CYSLTR1: variants seen among roughly 807,000 people sequenced by gnomAD.
CYSLTR1 encodes the protein G-protein coupled receptor HG55.
CYSLTR1 carries 1 observed loss-of-function variant against 2.1 expected under a neutral mutation model. The observed-to-expected ratio is 0.48, with a 90% CI of 0.17 to 2.28. CYSLTR1 has a LOEUF of 2.28. CYSLTR1 is among the 30% of genes most tolerant of loss of function. The pLI, the probability that CYSLTR1 is intolerant of heterozygous loss-of-function variation, is 0.26. For missense variants in CYSLTR1, 299 were observed against 250.1 expected (o/e 1.20, Z -1.32); for synonymous variants, 110 against 89.6 (o/e 1.23, Z -1.28).
chrX:78,282,270 A>G, intron 2 of CYSLTR1, among the ~76,000 whole-genome samples: 1 of 111,924 alleles, frequency 8.9e-6, no homozygotes, highest in East Asian at 2.8e-4. Flanking sequence ...ATGAACTTCT[A>G]GAGAAACTTA....
At chrX:78,326,375 G>T (rs139225323) in intron 1 of CYSLTR1, among the ~76,000 whole-genome samples, 3 of 111,498 alleles carry the variant, frequency 2.7e-5, no homozygotes, top group Non-Finnish European at 5.7e-5. Context: ...TTAAAACAGT[G>T]TACAATCTAG....
At position 78,307,770 on chromosome X, in the gene CYSLTR1, G is replaced by C. The variant is rs1250578805; in HGVS notation, c.-115+19535C>G. ...AGCCAAGCTATAAAAATCCCTAAGAGTGGCAGCAGCAGAAGTGTGGACTTG... is the reference window on the plus strand; with the variant it reads ...AGCCAAGCTATAAAAATCCCTAAGACTGGCAGCAGCAGAAGTGTGGACTTG... On this transcript the variant is annotated intron_variant, in intron 1 of 2. Transcript: ENST00000373304. 1.8e-5 allele frequency among the ~76,000 whole-genome samples: 2 copies of C among 111,738 alleles called. 1 individual carries two copies. The highest frequency in any genetic ancestry group is 3.8e-5 in the Non-Finnish European group (2 of 53,152).
intron 1 of CYSLTR1, among the ~76,000 whole-genome samples, chrX:78,326,685 A>G (rs1285702423): frequency 4.5e-5 from 5 of 112,356 alleles, no homozygotes; most frequent in Non-Finnish European, 7.5e-5. Context: ...CTATTCATTT[A>G]TAGTTGAGAG....
intron 2 of CYSLTR1, among the ~76,000 whole-genome samples, chrX:78,275,560 A>G (rs1343188142): frequency 1.0e-5 from 1 of 96,256 alleles, no homozygotes; most frequent in Non-Finnish European, 2.1e-5. Flanking sequence ...GAAGGGAAAC[A>G]TCACACACCG....
At chrX:78,303,233 C>A (rs190980244) in intron 1 of CYSLTR1, among the ~76,000 whole-genome samples, 2 of 111,538 alleles carry the variant, frequency 1.8e-5, no homozygotes, top group East Asian at 5.6e-4. Context: ...CTCACAATTG[C>A]TGCTCTCTCT....
At chrX:78,277,917 C>T (rs925635589) in intron 2 of CYSLTR1, among the ~76,000 whole-genome samples, 1 of 111,498 alleles carries the variant, frequency 9.0e-6, no homozygotes, top group Non-Finnish European at 1.9e-5. Context: ...TGACTCTTAA[C>T]CAGATTGAAA....
chrX:78,297,747 TTTTA>T (rs1309646212), intron 1 of CYSLTR1, among the ~76,000 whole-genome samples: 1 of 111,617 alleles, frequency 9.0e-6, no homozygotes, highest in East Asian at 2.8e-4. Context: ...TCATTTGTGA[TTTTA>T]TTTATTTGGA....
intron 1 of CYSLTR1, among the ~76,000 whole-genome samples, chrX:78,294,771 G>A (rs748900048): frequency 4.4e-5 from 5 of 112,865 alleles, no homozygotes; most frequent in East Asian, 2.8e-4. Flanking sequence ...CTCTGTGTGC[G>A]TGTGACCTGC....
At chrX:78,326,335 T>C (rs1814323980) in intron 1 of CYSLTR1, among the ~76,000 whole-genome samples, 1 of 112,449 alleles carries the variant, frequency 8.9e-6, no homozygotes, top group Non-Finnish European at 1.9e-5. Flanking sequence ...TATTTTATAA[T>C]GCATTGTAAA....
At chrX:78,312,609 A>G (rs1178320715) in intron 1 of CYSLTR1, among the ~76,000 whole-genome samples, 5 of 112,151 alleles carry the variant, frequency 4.5e-5, no homozygotes, top group Non-Finnish European at 5.6e-5. Context: ...ATCTATAAGG[A>G]ACATAAATCA....
At chrX:78,319,364 G>A (rs2147276136) in intron 1 of CYSLTR1, 1 of 103,829 alleles carries the variant, frequency 9.6e-6, no homozygotes, top group South Asian at 4.4e-4. Context: ...AACATGCAGT[G>A]TTTGGTTTTT....
At chrX:78,296,302 T>TATTA (rs1234774514) in intron 1 of CYSLTR1, among the ~76,000 whole-genome samples, 2 of 111,733 alleles carry the variant, frequency 1.8e-5, no homozygotes, top group Admixed American at 1.9e-4. Context: ...TTACTATGGT[T>TATTA]TAATAGTATA....
intron 1 of CYSLTR1, among the ~76,000 whole-genome samples, chrX:78,314,391 A>G (rs1470178956): frequency 8.9e-6 from 1 of 111,835 alleles, no homozygotes. Flanking sequence ...GGCTCCACCA[A>G]TTGTCTTCCC....
At chrX:78,282,624 G>A (rs1366488966) in intron 2 of CYSLTR1, among the ~76,000 whole-genome samples, 1 of 111,951 alleles carries the variant, frequency 8.9e-6, no homozygotes, top group East Asian at 2.8e-4. Flanking sequence ...GATAATGTCA[G>A]TTGTGGTGGC....
rs746335408 is a variant in CYSLTR1 at position 78,273,793 on chromosome X, T to C, written c.-27-20A>G. ...TTGTGCCTATAATAAATAAAAAAAA[T>C]TGTCAATTTTAACTAGACCATAAAT... On this transcript the variant is annotated intron_variant, in intron 2 of 2. Transcript: ENST00000373304. 1 of 1,117,989 alleles carries C rather than the reference T, an allele frequency of 8.9e-7. No individual in the cohort carries two copies. 92.1% of individuals were successfully genotyped at this position (1,117,989 alleles called of 1,213,427 possible).
chrX:78,290,178 A>C (rs1922259880), intron 1 of CYSLTR1, among the ~76,000 whole-genome samples: 1 of 111,944 alleles, frequency 8.9e-6, no homozygotes, highest in South Asian at 3.7e-4. Flanking sequence ...CTTTCTACAT[A>C]TGGCTAGCCA....
rs780702831 is a variant in CYSLTR1, at chrX:78,281,631, A to G, written c.-28+1823T>C. ...TCCAACTTGTGTGAGATGGTATTTC[A>G]TTGTGGTTTTGAAATAAGATCTTCC... On this transcript the variant is annotated intron_variant, in intron 2 of 2. Transcript: ENST00000373304. Among the ~76,000 whole-genome samples, 599 of 111,321 alleles carry G rather than the reference A, an allele frequency of 5.4e-3. 6 individuals carry two copies. The highest frequency in any genetic ancestry group is 7.2e-3 in the Non-Finnish European group (381 of 53,106).
intron 1 of CYSLTR1, among the ~76,000 whole-genome samples, chrX:78,326,496 A>G (rs184150404): frequency 8.9e-6 from 1 of 112,235 alleles, no homozygotes; most frequent in African/African-American, 3.2e-5. Flanking sequence ...GAACCACTGA[A>G]TTCAGTAGGT....
chrX:78,281,571 C>T (rs1167555323), intron 2 of CYSLTR1, among the ~76,000 whole-genome samples: 3 of 111,264 alleles, frequency 2.7e-5, no homozygotes, highest in Non-Finnish European at 3.8e-5. Context: ...CCATGCCTGG[C>T]CTGCCTTATG....
Sources: allele counts gnomAD v4.1 joint callset (sites outside exome capture counted in the v4.1 genomes callset), GRCh38; gene constraint gnomAD v4.1.1; transcripts MANE v1.5; gene names NCBI Gene and HGNC (gene_info 2026-07-23, HGNC 2026-07-21).